PJA2: variants seen among roughly 807,000 people sequenced by gnomAD.
PJA2 encodes E3 ubiquitin-protein ligase Praja-2.
Under a neutral mutation model 69.3 loss-of-function variants are expected in PJA2, and 25 were observed. The ratio of observed to expected loss-of-function variants is 0.36; its 90% CI spans 0.26 to 0.50. The LOEUF (loss-of-function observed/expected upper bound fraction) is 0.50, where lower values mean the gene tolerates loss of function less well. PJA2 is among the 20% of genes least tolerant of loss of function. The probability of loss-of-function intolerance (pLI) is 0.96; values close to 1 mark genes in which losing one functional copy is unlikely to be tolerated. For synonymous variants in PJA2, 308 were observed against 277.8 expected (o/e 1.11, Z -1.08); for missense variants, 809 against 830.2 (o/e 0.97, Z 0.31).
In PJA2 at chr5:109,358,349, G is replaced by C. The variant is rs903480888; in HGVS notation, c.1653-2323C>G. Reference sequence around the variant, plus strand: ...GGCCCATCCCTTCGTTTCCCATAAGGGATACTTTTAGTTAATCTATGATTT... The same window carrying C: ...GGCCCATCCCTTCGTTTCCCATAAGCGATACTTTTAGTTAATCTATGATTT... On this transcript the variant is annotated intron_variant, in intron 6 of 9. Transcript: ENST00000361189. Among the ~76,000 whole-genome samples the C allele has an allele frequency of 2.6e-5, 4 of 152,140 alleles. No homozygotes were observed. The South Asian group carries it at 8.3e-4, about 32-fold the overall frequency.
intron 1 of PJA2, among the ~76,000 whole-genome samples, chr5:109,396,573 T>C (rs1747417249): frequency 6.6e-6 from 1 of 151,448 alleles, no homozygotes; most frequent in Non-Finnish European, 1.5e-5. Flanking sequence ...ATTACAGGCA[T>C]GCGCCACCAC....
intron 7 of PJA2, among the ~76,000 whole-genome samples, chr5:109,349,714 TC>T (rs1193827608): frequency 6.6e-6 from 1 of 152,188 alleles, no homozygotes; most frequent in Non-Finnish European, 1.5e-5. Flanking sequence ...TAGGGACTCT[TC>T]CTTGGGTTGT....
chr5:109,388,854 C>T (rs964672642), intron 1 of PJA2, among the ~76,000 whole-genome samples: 3 of 152,116 alleles, frequency 2.0e-5, no homozygotes, highest in African/African-American at 7.2e-5. Flanking sequence ...TTAACTTACC[C>T]TGCATTTCCT....
chr5:109,342,013 C>A (rs1762074710), intron 9 of PJA2, among the ~76,000 whole-genome samples: 1 of 135,778 alleles, frequency 7.4e-6, no homozygotes, highest in African/African-American at 2.7e-5. Flanking sequence ...GGGGGTCGGC[C>A]CCCCGCCGGG....
intron 9 of PJA2, among the ~76,000 whole-genome samples, chr5:109,341,034 A>C (rs373101568): frequency 1.5e-4 from 21 of 143,676 alleles, no homozygotes; most frequent in African/African-American, 5.3e-4. Flanking sequence ...CCAAAGTGCC[A>C]AGATTGCAGC....
intron 7 of PJA2, among the ~76,000 whole-genome samples, chr5:109,345,159 A>G (rs1762152059): frequency 6.7e-6 from 1 of 148,394 alleles, no homozygotes; most frequent in East Asian, 2.0e-4. Flanking sequence ...CCTGACCAAC[A>G]TGGTGAAATC....
At chr5:109,363,378 T>C (rs1460575139) in intron 5 of PJA2, among the ~76,000 whole-genome samples, 2 of 152,236 alleles carry the variant, frequency 1.3e-5, no homozygotes, top group Non-Finnish European at 2.9e-5. Flanking sequence ...AGTTTAAATC[T>C]GAATTCCTCA....
At chr5:109,345,906 T>C (rs1032663774) in intron 7 of PJA2, among the ~76,000 whole-genome samples, 3 of 152,234 alleles carry the variant, frequency 2.0e-5, no homozygotes, top group Non-Finnish European at 2.9e-5. Flanking sequence ...CTGGGATGCG[T>C]CATCCTCATC....
chr5:109,392,838 AC>A (rs1347211219), intron 1 of PJA2, among the ~76,000 whole-genome samples: 1 of 152,212 alleles, frequency 6.6e-6, no homozygotes, highest in East Asian at 1.9e-4. Context: ...CCTGTTTCCC[AC>A]AAAATGCAAA....
chr5:109,375,280 C>T (rs1450536667), intron 4 of PJA2, among the ~76,000 whole-genome samples: 7 of 152,016 alleles, frequency 4.6e-5, no homozygotes, highest in African/African-American at 7.2e-5. Flanking sequence ...GAGGCTGAGG[C>T]GGGTGGATCA....
chr5:109,368,634 C>T lies in PJA2; in HGVS notation c.1396G>A (p.Glu466Lys). The T allele has an allele frequency of 1.2e-6, 2 of 1,614,156 alleles. No homozygotes were observed. The highest frequency in any genetic ancestry group is 8.5e-7 in the Non-Finnish European group (1 of 1,180,040). The change falls in exon 5 of 10, where the codon GAG becomes AAG. Residue 466 changes from glutamate to lysine, a missense_variant. Physicochemically the swap from Glu to Lys is moderately conservative, Grantham distance 56. This residue lies in a region of PJA2 where 700 missense variants were observed against 639.5 expected (regional missense o/e 1.09). Transcript: ENST00000361189. ...ESWETLPGKD[E>K]NEPELQSDSS... ...TCACTTTGTAGCTCAGGTTCATTCT[C>T]ATCTTTTCCTGGCAGAGTCTCCCAG...
At chr5:109,348,536 C>T (rs926368960) in intron 7 of PJA2, among the ~76,000 whole-genome samples, 3 of 152,182 alleles carry the variant, frequency 2.0e-5, no homozygotes, top group Non-Finnish European at 4.4e-5. Flanking sequence ...CTCTGAGCCT[C>T]CTGTTACCAG....
chr5:109,390,706 T>C (rs546064799), intron 1 of PJA2: 4 of 152,214 alleles, frequency 2.6e-5, no homozygotes, highest in South Asian at 4.1e-4. Context: ...TTCCATTTCA[T>C]CTGCTAGCTT....
chr5:109,397,176 T>C (rs1407681742), intron 1 of PJA2, among the ~76,000 whole-genome samples: 1 of 152,160 alleles, frequency 6.6e-6, no homozygotes, highest in Non-Finnish European at 1.5e-5. Context: ...CACCAAACAC[T>C]AAACCCACTG....
Position 109,342,732 on chromosome 5 carries a change from G to A in PJA2, c.2001+1458C>T, listed in dbSNP as rs1458285950. Among the ~76,000 whole-genome samples, 20 of 129,258 alleles carry A rather than the reference G, an allele frequency of 1.5e-4. No homozygotes were observed. The East Asian group carries it at 2.9e-3, about 19-fold the overall frequency. 84.8% of individuals were successfully genotyped at this position (129,258 alleles called of 152,430 possible). A position where few individuals can be genotyped will look rare whatever the true frequency, so the allele number is the denominator to read the frequency against. ...AGTCAGCCCCCCCGCCCGGCCAGCC[G>A]CCCCGTCCGGGAGGTGAGGGGCGCC... On this transcript the variant is annotated intron_variant, in intron 9 of 9. Coordinates refer to ENST00000361189, the MANE Select transcript of PJA2 (RefSeq NM_014819.5).
At chr5:109,358,915 G>C (rs1561348442) in intron 6 of PJA2, among the ~76,000 whole-genome samples, 3 of 152,182 alleles carry the variant, frequency 2.0e-5, no homozygotes, top group African/African-American at 7.2e-5. Context: ...AGTTTAAAAA[G>C]AAACAGGTTA....
At chr5:109,382,059 T>G (rs1039035341) in intron 2 of PJA2, among the ~76,000 whole-genome samples, 14 of 152,130 alleles carry the variant, frequency 9.2e-5, no homozygotes, top group African/African-American at 3.1e-4. Context: ...TTAAGTACCT[T>G]ATATATTATA....
chr5:109,409,446 G>C (rs1297582858), intron 1 of PJA2: 1 of 152,568 alleles, frequency 6.6e-6, no homozygotes, highest in African/African-American at 2.4e-5. Flanking sequence ...GGTGTTGGTT[G>C]GGGGGCAAAC....
chr5:109,377,527 T>G (rs1746921832), intron 4 of PJA2, among the ~76,000 whole-genome samples: 1 of 152,146 alleles, frequency 6.6e-6, no homozygotes. Flanking sequence ...TATGTTCTGT[T>G]GAAAATAGCA....
Sources: allele counts gnomAD v4.1 joint callset (sites outside exome capture counted in the v4.1 genomes callset), GRCh38; gene constraint gnomAD v4.1.1; regional missense constraint gnomAD v4.1.1; transcripts MANE v1.5; gene names NCBI Gene and HGNC (gene_info 2026-07-23, HGNC 2026-07-21).